The following CAMK2G variants were observed in gnomAD, a reference collection of about 807,000 sequenced individuals.
The protein encoded by CAMK2G is calcium/calmodulin dependent protein kinase II gamma.
CAMK2G carries 23 observed loss-of-function variants against 88.7 expected under a neutral mutation model. The observed-to-expected ratio is 0.26, with a 90% CI of 0.19 to 0.37. CAMK2G has a LOEUF of 0.37. Ranked by LOEUF, CAMK2G falls within the 10% of genes least tolerant of loss-of-function variation. The probability of loss-of-function intolerance (pLI) is 1.00; values close to 1 mark genes in which losing one functional copy is unlikely to be tolerated. For synonymous variants in CAMK2G, 263 were observed against 294.8 expected (o/e 0.89, Z 1.11); for missense variants, 476 against 780.8 (o/e 0.61, Z 4.65).
In CAMK2G at chr10:73,848,674, C is replaced by A. The variant is rs1215976842; in HGVS notation, c.518-65G>T. On this transcript the variant is annotated intron_variant, in intron 7 of 22. Transcript: ENST00000423381. The surrounding 1 kb of genome is among the most constrained non-coding windows in gnomAD (Gnocchi z 4.5). ...TTCTCTCTCGTTAAATCCACACCAG[C>A]CATTTCCCCCAAGTCCCATCTTATT... 3 of 891,432 alleles carry A rather than the reference C, an allele frequency of 3.4e-6. No individual in the cohort carries two copies. Among genetic ancestry groups the A allele is most frequent in the African/African-American group, 3.3e-5 (2 of 60,094 alleles). The allele number at this position is 891,432 out of a possible 1,614,324, so 55.2% of individuals were successfully genotyped here.
Position 73,873,649 on chromosome 10 carries a change from G to A in CAMK2G, c.66-566C>T, listed in dbSNP as rs2095932875. On this transcript the variant is annotated intron_variant, in intron 1 of 22. Transcript: ENST00000423381. ...AAGAGAGGACACAGTCAGACATCAA[G>A]AACTCCCCTTCCCATGCTATTTTCC... 3 of 404,320 alleles carry A rather than the reference G, an allele frequency of 7.4e-6. No individual in the cohort carries two copies. In the South Asian group the frequency reaches 3.1e-4, roughly 42 times the overall value. The allele number at this position is 404,320 out of a possible 1,614,324, so 25.0% of individuals were successfully genotyped here.
chr10:73,825,784 G>A (rs928609034), intron 15 of CAMK2G, among the ~76,000 whole-genome samples: 1 of 152,234 alleles, frequency 6.6e-6, no homozygotes, highest in Admixed American at 6.5e-5. Flanking sequence ...CCCAGCACCT[G>A]TATTTCCTTC....
At chr10:73,819,981 C>T (rs1344190783) in intron 18 of CAMK2G, among the ~76,000 whole-genome samples, 2 of 152,208 alleles carry the variant, frequency 1.3e-5, no homozygotes, top group African/African-American at 2.4e-5. Flanking sequence ...GCAGTGACAG[C>T]GCCTCCTATG....
Position 73,874,555 on chromosome 10 carries a change from G to T in CAMK2G, c.-94C>A. 2 of 788,134 alleles carry T rather than the reference G, an allele frequency of 2.5e-6. No individual in the cohort carries two copies. Among genetic ancestry groups the T allele is most frequent in the Non-Finnish European group, 1.8e-6 (1 of 549,846 alleles). The allele number at this position is 788,134 out of a possible 1,614,324, so 48.8% of individuals were successfully genotyped here. Reference sequence around the variant, plus strand: ...CGAGGGAGCAAGAGGAGGAGACGGGGCTGAGCCCGGCAGCACCGCGAGACT... The same window carrying T: ...CGAGGGAGCAAGAGGAGGAGACGGGTCTGAGCCCGGCAGCACCGCGAGACT... On this transcript the variant is annotated 5_prime_UTR_variant, in exon 1 of 23. Transcript: ENST00000423381.
chr10:73,837,808 C>A (rs1407297950), intron 13 of CAMK2G, among the ~76,000 whole-genome samples: 1 of 152,172 alleles, frequency 6.6e-6, no homozygotes, highest in Non-Finnish European at 1.5e-5. Context: ...GGGGACTCTG[C>A]CTTTGACAGC....
At chr10:73,853,153 G>A (rs1350159132) in intron 4 of CAMK2G, 39 bp downstream of exon 4, 1 of 1,593,914 alleles carries the variant, frequency 6.3e-7, no homozygotes, top group South Asian at 1.1e-5. Context: ...GAGTCAGCTA[G>A]AGGGAAAGGC....
At chr10:73,857,926 C>T (rs1202874493) in intron 3 of CAMK2G, among the ~76,000 whole-genome samples, 3 of 152,214 alleles carry the variant, frequency 2.0e-5, no homozygotes, top group East Asian at 1.9e-4. Context: ...CAAAATTGAG[C>T]GGAAAGTACA....
At position 73,842,150 on chromosome 10, in the gene CAMK2G, C is replaced by T. The variant is rs780190497; in HGVS notation, c.946+19G>A. ...CACTCACCTCGGCATAATCAAAGTA[C>T]ACAGCTGGGAAAACATACCTGAGAA... is the stretch of plus-strand genomic sequence containing the variant. On this transcript the variant is annotated intron_variant, in intron 12 of 22. Transcript: ENST00000423381. This position sits in a 1 kb window ranked among gnomAD's most constrained non-coding sequence, Gnocchi z 4.6. The T allele has an allele frequency of 2.5e-6, 4 of 1,604,850 alleles. No individual in the cohort carries two copies. In the South Asian group the frequency reaches 4.4e-5, roughly 18 times the overall value.
In CAMK2G at chr10:73,848,704, C is replaced by A; in HGVS notation, c.518-95G>T. The A allele has an allele frequency of 1.4e-6, 1 of 730,162 alleles. No individual in the cohort carries two copies. The highest frequency in any genetic ancestry group is 2.3e-6 in the Non-Finnish European group (1 of 426,096). 45.2% of individuals were successfully genotyped at this position (730,162 alleles called of 1,614,324 possible). ...TCCCCCAAGTCCCATCTTATTCCTG[C>A]TGCTTTTGCTACATAAACTCTCAGC... On this transcript the variant is annotated intron_variant, in intron 7 of 22. Transcript: ENST00000423381. The surrounding 1 kb of genome is among the most constrained non-coding windows in gnomAD (Gnocchi z 4.5).
intron 14 of CAMK2G, chr10:73,837,145 C>A: frequency 3.1e-6 from 1 of 327,342 alleles, no homozygotes; most frequent in Non-Finnish European, 5.7e-6. Flanking sequence ...GAAAGATAAC[C>A]AAATGACCTA....
intron 17 of CAMK2G, 77 bp downstream of exon 17, chr10:73,823,963 C>G (rs2090040414): frequency 8.8e-7 from 1 of 1,137,998 alleles, no homozygotes; most frequent in Non-Finnish European, 1.3e-6. Flanking sequence ...CAGGGTGCAG[C>G]CTGTAGACCC....
intron 10 of CAMK2G, among the ~76,000 whole-genome samples, chr10:73,843,636 CT>C (rs1194886593): frequency 6.6e-6 from 1 of 152,088 alleles, no homozygotes; most frequent in Non-Finnish European, 1.5e-5. Flanking sequence ...CTTGCTGTTG[CT>C]GTCTTCACCA....
At chr10:73,863,642 T>C (rs946827606) in intron 2 of CAMK2G, among the ~76,000 whole-genome samples, 1 of 152,162 alleles carries the variant, frequency 6.6e-6, no homozygotes, top group Non-Finnish European at 1.5e-5. Flanking sequence ...GCCCAGAAGA[T>C]TAATGTTTAT....
rs542756042 is a variant in CAMK2G at position 73,816,483 on chromosome 10, T to A, written c.1534+540A>T. The A allele has an allele frequency of 3.9e-4, 408 of 1,049,150 alleles. 2 individuals carry two copies. In the South Asian group the frequency reaches 8.0e-3, roughly 21 times the overall value. The allele number at this position is 1,049,150 out of a possible 1,614,324, so 65.0% of individuals were successfully genotyped here. A position where few individuals can be genotyped will look rare whatever the true frequency, so the allele number is the denominator to read the frequency against. ...AATAATTTTTTCTTTTTTTTTGAGA[T>A]GGAGTCTTGCTCTGTTGCCCAGGCT... On this transcript the variant is annotated intron_variant, in intron 21 of 22. Coordinates refer to ENST00000423381, the MANE Select transcript of CAMK2G (RefSeq NM_001367534.1).
intron 2 of CAMK2G, among the ~76,000 whole-genome samples, chr10:73,872,503 A>T (rs916630296): frequency 1.3e-5 from 2 of 152,230 alleles, no homozygotes; most frequent in African/African-American, 4.8e-5. Flanking sequence ...TGATGTTTAC[A>T]GATTCCCTTC....
At chr10:73,815,733 A>G in intron 21 of CAMK2G, 2 of 859,826 alleles carry the variant, frequency 2.3e-6, no homozygotes, top group Non-Finnish European at 2.8e-6. Flanking sequence ...ATGAACTTAA[A>G]CCATTCAAAA....
chr10:73,865,350 G>C, intron 2 of CAMK2G, among the ~76,000 whole-genome samples: 1 of 152,166 alleles, frequency 6.6e-6, no homozygotes, highest in South Asian at 2.1e-4. Flanking sequence ...GCCACTGTCC[G>C]CTTCCCTCCT....
At chr10:73,873,525 T>C (rs2095922023) in intron 1 of CAMK2G, 1 of 1,003,074 alleles carries the variant, frequency 1.0e-6, no homozygotes, top group Non-Finnish European at 1.2e-6. Context: ...TATCATCCCC[T>C]GAAAGAGAAA....
chr10:73,836,723 C>A (rs1237023468), intron 14 of CAMK2G, among the ~76,000 whole-genome samples: 2 of 152,178 alleles, frequency 1.3e-5, no homozygotes, highest in African/African-American at 4.8e-5. Context: ...TGAGCTCCTA[C>A]CCAATGCCCT....
Sources: allele counts gnomAD v4.1 joint callset (sites outside exome capture counted in the v4.1 genomes callset), GRCh38; gene constraint gnomAD v4.1.1; non-coding constraint Gnocchi (gnomAD v3.1); transcripts MANE v1.5; gene names NCBI Gene and HGNC (gene_info 2026-07-23, HGNC 2026-07-21).